The following EHD1 variants were observed in gnomAD, a reference collection of about 807,000 sequenced individuals.
The protein encoded by EHD1 is EH domain-containing protein 1.
In EHD1, 19 loss-of-function variants were observed where a neutral mutation model predicts 39.0. The observed-to-expected ratio is 0.49, with a 90% CI of 0.34 to 0.72. The LOEUF is 0.72. Among genes scored for constraint, EHD1 ranks in the 30% least tolerant of loss-of-function variants. EHD1 has a pLI of 0.01. For synonymous variants in EHD1, 323 were observed against 331.2 expected (o/e 0.98, Z 0.27); for missense variants, 542 against 751.5 (o/e 0.72, Z 3.26).
chr11:64,855,117 C>T lies in EHD1; in HGVS notation c.1080+205G>A, dbSNP rs71581703. 2.1e-4 allele frequency: 194 copies of T among 929,004 alleles called. No homozygotes were observed. The African/African-American group carries it at 2.1e-3, about 10-fold the overall frequency. 57.5% of individuals were successfully genotyped at this position (929,004 alleles called of 1,614,324 possible). On this transcript the variant is annotated intron_variant, in intron 4 of 4. Transcript: ENST00000320631. ...GCATGGCCCTGCCCTCCCCCCACCACGCAGGGTGAGTCACCACATTCCCCT... is the reference window on the plus strand; with the variant it reads ...GCATGGCCCTGCCCTCCCCCCACCATGCAGGGTGAGTCACCACATTCCCCT...
Position 64,878,085 on chromosome 11 carries a change from G to C in EHD1, c.380C>G (p.Ala127Gly). The change falls in exon 1 of 5, where the codon GCG becomes GGG. Residue 127 changes from alanine (A) to glycine (G), a missense_variant. Ala to Gly is a moderately conservative substitution (Grantham distance 60). Transcript: ENST00000320631. Reference protein sequence around the residue: ...DPRRPFRKLNAFGNAFLNRFM... With the variant: ...DPRRPFRKLNGFGNAFLNRFM... ...CCTGTTGAGGAAAGCGTTGCCAAACGCGTTGAGCTTGCGGAAGGGGCGCCG... is the reference window on the plus strand; with the variant it reads ...CCTGTTGAGGAAAGCGTTGCCAAACCCGTTGAGCTTGCGGAAGGGGCGCCG... 1 of 1,529,244 alleles carries C rather than the reference G, an allele frequency of 6.5e-7. No individual in the cohort carries two copies. Among genetic ancestry groups the C allele is most frequent in the Non-Finnish European group, 8.8e-7 (1 of 1,140,402 alleles). The allele number at this position is 1,529,244 out of a possible 1,614,324, so 94.7% of individuals were successfully genotyped here.
intron 2 of EHD1, among the ~76,000 whole-genome samples, chr11:64,872,779 G>A (rs1409100006): frequency 2.0e-5 from 3 of 152,196 alleles, no homozygotes; most frequent in Admixed American, 6.5e-5. Context: ...GAAGGAAAGA[G>A]AAGCAAGGTT....
In EHD1 at chr11:64,851,721, T is replaced by C. The variant is rs1943583812; in HGVS notation, c.*2612A>G. On this transcript the variant is annotated 3_prime_UTR_variant, in exon 5 of 5. Coordinates refer to ENST00000320631, the MANE Select transcript of EHD1 (RefSeq NM_006795.4). Reference sequence around the variant, plus strand: ...CAGTCTAAGGGTGGGGTTGGGGGGATCTACCGTTTTTTCCTCTTAGTGTGT... The same window carrying C: ...CAGTCTAAGGGTGGGGTTGGGGGGACCTACCGTTTTTTCCTCTTAGTGTGT... 1 of 152,220 alleles carries C rather than the reference T, an allele frequency of 6.6e-6. No homozygotes were observed. The highest frequency in any genetic ancestry group is 2.4e-5 in the African/African-American group (1 of 41,432). The allele number at this position is 152,220 out of a possible 1,614,324, so 9.4% of individuals were successfully genotyped here. A position where few individuals can be genotyped will look rare whatever the true frequency, so the allele number is the denominator to read the frequency against.
chr11:64,878,150 A>C lies in EHD1; in HGVS notation c.315T>G (p.Thr105=). The C allele has an allele frequency of 6.3e-7, 1 of 1,597,156 alleles. No individual in the cohort carries two copies. The highest frequency in any genetic ancestry group is 8.6e-7 in the Non-Finnish European group (1 of 1,167,304). The part of the protein sequence containing the change: ...DSFIAVMHGP[T]EGVVPGNALV... ...GCGCGTTGCCCGGCACCACGCCCTCAGTGGGGCCGTGCATGACGGCGATGA... is the reference window on the plus strand; with the variant it reads ...GCGCGTTGCCCGGCACCACGCCCTCCGTGGGGCCGTGCATGACGGCGATGA... Residue 105 remains threonine (T), a synonymous_variant, in exon 1 of 5, where the codon ACT becomes ACG. Transcript: ENST00000320631.
intron 1 of EHD1, among the ~76,000 whole-genome samples, chr11:64,877,201 G>A (rs1369377361): frequency 6.6e-6 from 1 of 152,180 alleles, no homozygotes; most frequent in African/African-American, 2.4e-5. Context: ...CTGGAGAAAA[G>A]TGAGCTTGGG....
At chr11:64,877,171 C>T (rs991177200) in intron 1 of EHD1, among the ~76,000 whole-genome samples, 1 of 152,108 alleles carries the variant, frequency 6.6e-6, no homozygotes, top group East Asian at 1.9e-4. Flanking sequence ...GGGGTTGGGA[C>T]GGGCATGTCT....
At chr11:64,878,712 C>G (rs1163342357), upstream of EHD1, 3 of 1,343,632 alleles carry the variant, frequency 2.2e-6, no homozygotes, top group East Asian at 8.9e-5. Flanking sequence ...GAATTGGGGG[C>G]GGTAGGGAGG....
intron 2 of EHD1, among the ~76,000 whole-genome samples, chr11:64,865,477 T>C (rs1352647895): frequency 6.6e-6 from 1 of 152,230 alleles, no homozygotes; most frequent in African/African-American, 2.4e-5. Flanking sequence ...TGCTGTTAGC[T>C]TGACTAGCTC....
chr11:64,872,759 C>T (rs1002059406), intron 2 of EHD1, among the ~76,000 whole-genome samples: 1 of 152,154 alleles, frequency 6.6e-6, no homozygotes, highest in African/African-American at 2.4e-5. Context: ...GGGCAAGGCC[C>T]GCAAGGCTGG....
In EHD1 at chr11:64,860,340, G is replaced by T. The variant is rs71581707; in HGVS notation, c.503-4C>A. On this transcript the variant is annotated splice_region_variant and splice_polypyrimidine_tract_variant and intron_variant, in intron 2 of 4. Coordinates refer to ENST00000320631, the MANE Select transcript of EHD1 (RefSeq NM_006795.4). Reference sequence around the variant, plus strand: ...AGGACGGCTGCAAAGTCATAGCCTGGGGGGAAGAGAAGGGAGAGCTCAGGG... The same window carrying T: ...AGGACGGCTGCAAAGTCATAGCCTGTGGGGAAGAGAAGGGAGAGCTCAGGG... 2 of 1,606,004 alleles carry T rather than the reference G, an allele frequency of 1.2e-6. No individual in the cohort carries two copies. Among genetic ancestry groups the T allele is most frequent in the African/African-American group, 1.3e-5 (1 of 74,836 alleles).
chr11:64,869,777 G>A (rs1361379403), intron 2 of EHD1, among the ~76,000 whole-genome samples: 1 of 152,218 alleles, frequency 6.6e-6, no homozygotes, highest in African/African-American at 2.4e-5. Flanking sequence ...GGCAGCCCCT[G>A]GGAGCATTTG....
At position 64,851,987 on chromosome 11, in the gene EHD1, C is replaced by G. The variant is rs770379487; in HGVS notation, c.*2346G>C. ...CCAGCCCTGCAGCAACTGAAGCATC[C>G]ACTGGCACCTCAAGTGCTGGTCATA... On this transcript the variant is annotated 3_prime_UTR_variant, in exon 5 of 5. Transcript: ENST00000320631. 6.6e-6 allele frequency: 1 copy of G among 152,232 alleles called. No individual in the cohort carries two copies. Among genetic ancestry groups the G allele is most frequent in the African/African-American group, 2.4e-5 (1 of 41,436 alleles). The allele number at this position is 152,232 out of a possible 1,614,324, so 9.4% of individuals were successfully genotyped here.
intron 2 of EHD1, among the ~76,000 whole-genome samples, chr11:64,863,714 A>G (rs1943739104): frequency 2.0e-5 from 3 of 152,102 alleles, no homozygotes; most frequent in African/African-American, 7.2e-5. Context: ...CCCTCCCCAC[A>G]CCTGGCGCTC....
intron 3 of EHD1, 77 bp downstream of exon 3, chr11:64,859,847 C>T (rs1943693271): frequency 6.5e-7 from 1 of 1,528,076 alleles, no homozygotes; most frequent in Middle Eastern, 2.1e-4. Flanking sequence ...TCGGGCAATC[C>T]TGGGGCCCTG....
intron 3 of EHD1, among the ~76,000 whole-genome samples, chr11:64,858,886 G>C (rs985345721): frequency 2.0e-5 from 3 of 152,244 alleles, no homozygotes; most frequent in African/African-American, 7.2e-5. Context: ...GCTGCCAGGA[G>C]ACCTAAGGAT....
Position 64,855,371 on chromosome 11 carries a change from C to T in EHD1, c.1031G>A (p.Arg344His), listed in dbSNP as rs141684244. The T allele has an allele frequency of 1.1e-4, 173 of 1,614,030 alleles. No homozygotes were observed. The highest frequency in any genetic ancestry group is 1.3e-4 in the Non-Finnish European group (152 of 1,180,020). Residue 344 changes from arginine (R) to histidine (H), a missense_variant, in exon 4 of 5, where the codon CGC becomes CAC. Coordinates refer to ENST00000320631, the MANE Select transcript of EHD1 (RefSeq NM_006795.4). ...NLGEIYQKIEREHQISPGDFP... is the reference protein window; with the variant it reads ...NLGEIYQKIEHEHQISPGDFP... Reference sequence around the variant, plus strand: ...GTCCCCAGGGGAGATCTGGTGCTCGCGCTCAATCTTCTGGTAGATCTCTCC... The same window carrying T: ...GTCCCCAGGGGAGATCTGGTGCTCGTGCTCAATCTTCTGGTAGATCTCTCC...
chr11:64,861,148 T>C (rs1943712484), intron 2 of EHD1, among the ~76,000 whole-genome samples: 1 of 150,738 alleles, frequency 6.6e-6, no homozygotes, highest in Admixed American at 6.6e-5. Context: ...ATTGTGCCAC[T>C]GCAGTCCAGC....
In EHD1 at chr11:64,866,214, A is replaced by G. The variant is rs562871243; in HGVS notation, c.503-5878T>C. 3.9e-5 allele frequency among the ~76,000 whole-genome samples: 6 copies of G among 152,328 alleles called. No individual in the cohort carries two copies. The South Asian group carries it at 1.0e-3, about 26-fold the overall frequency. ...GATCATGACCTTTGCAGCAACATGG[A>G]TGGAGCTGGAGACCATTATCCTCAG... On this transcript the variant is annotated intron_variant, in intron 2 of 4. Transcript: ENST00000320631.
At chr11:64,877,940 A>AG in intron 1 of EHD1, 121 bp downstream of exon 1, 1 of 1,050,278 alleles carries the variant, frequency 9.5e-7, no homozygotes. Flanking sequence ...GTGGTCACTG[A>AG]GGGTCTCACT....
Sources: allele counts gnomAD v4.1 joint callset (sites outside exome capture counted in the v4.1 genomes callset), GRCh38; gene constraint gnomAD v4.1.1; transcripts MANE v1.5; gene names NCBI Gene and HGNC (gene_info 2026-07-23, HGNC 2026-07-21).